Variants in HMBOX1 observed in about 807,000 individuals in gnomAD.
The protein encoded by HMBOX1 is homeobox containing 1, also known as homeobox-containing protein 1.
A neutral mutation model predicts 54.5 loss-of-function variants in HMBOX1; 14 were observed. The observed-to-expected ratio is 0.26, with a 90% CI of 0.17 to 0.40. The LOEUF is 0.40. Among genes scored for constraint, HMBOX1 ranks in the 10% least tolerant of loss-of-function variants. HMBOX1 has a pLI of 1.00. For missense variants in HMBOX1, 332 were observed against 514.4 expected, an observed-to-expected ratio of 0.65 and a Z score of 3.43; for synonymous variants, 160 against 181.0, an observed-to-expected ratio of 0.88 and a Z score of 0.93.
intron 5 of HMBOX1, among the ~76,000 whole-genome samples, chr8:29,017,425 C>T (rs1301204267): frequency 1.3e-5 from 2 of 152,138 alleles, no homozygotes; most frequent in African/African-American, 2.4e-5. Context: ...TGTGAGGAGC[C>T]GTCTTTGAAA....
chr8:28,933,379 G>A (rs900449037), intron 1 of HMBOX1, among the ~76,000 whole-genome samples: 4 of 152,220 alleles, frequency 2.6e-5, no homozygotes, highest in South Asian at 2.1e-4. Flanking sequence ...CCAAATAAGC[G>A]ATCTGAGCTT....
intron 1 of HMBOX1, among the ~76,000 whole-genome samples, chr8:28,897,282 GT>G (rs546304456): frequency 3.5e-4 from 51 of 145,746 alleles, no homozygotes; most frequent in South Asian, 4.3e-4. Context: ...TGGTCGGCTA[GT>G]TTTTTTTTTT....
rs1221201007 is a variant in HMBOX1 at position 28,970,545 on chromosome 8, C to T, written c.500+26C>T. 7.1e-7 allele frequency: 1 copy of T among 1,402,334 alleles called. No homozygotes were observed. The highest frequency in any genetic ancestry group is 9.8e-7 in the Non-Finnish European group (1 of 1,024,950). The allele number at this position is 1,402,334 out of a possible 1,614,324, so 86.9% of individuals were successfully genotyped here. A position where few individuals can be genotyped will look rare whatever the true frequency, so the allele number is the denominator to read the frequency against. On this transcript the variant is annotated intron_variant, in intron 3 of 9. Coordinates refer to ENST00000287701, the MANE Select transcript of HMBOX1 (RefSeq NM_001135726.3). This position sits in a 1 kb window ranked among gnomAD's most constrained non-coding sequence, Gnocchi z 4.3. ...GTTAGTGACTTTGCTTATTCAGAGT[C>T]CCTAAAAATGTCTGTATTCTTAGAT...
intron 1 of HMBOX1, among the ~76,000 whole-genome samples, chr8:28,950,846 A>T (rs1823277422): frequency 6.6e-6 from 1 of 152,224 alleles, no homozygotes; most frequent in Non-Finnish European, 1.5e-5. Flanking sequence ...ATTTTAGAAT[A>T]GGAAAAAGTA....
chr8:28,900,020 G>A (rs1812895017), intron 1 of HMBOX1, among the ~76,000 whole-genome samples: 1 of 151,934 alleles, frequency 6.6e-6, no homozygotes. Flanking sequence ...GGAGGCTGAG[G>A]TGGGCGGATC....
At chr8:28,941,278 T>G (rs149515713) in intron 1 of HMBOX1, among the ~76,000 whole-genome samples, 95 of 152,314 alleles carry the variant, frequency 6.2e-4, no homozygotes, top group Non-Finnish European at 1.1e-3. Context: ...ATCAGTTAGA[T>G]AAATTGAATT....
At position 29,010,741 on chromosome 8, in the gene HMBOX1, C is replaced by T. The variant is rs187490705; in HGVS notation, c.697+1559C>T. On this transcript the variant is annotated intron_variant, in intron 5 of 9. Transcript: ENST00000287701. The stretch of plus-strand genomic sequence containing the variant: ...ATAATTTCATATTATCATTTTATAT[C>T]CAGTCTGAGTCACATTTCTCTAGCT... Among the ~76,000 whole-genome samples, 585 of 152,016 alleles carry T rather than the reference C, an allele frequency of 3.8e-3. 3 individuals are homozygous for T. The highest frequency in any genetic ancestry group is 6.6e-3 in the Non-Finnish European group (450 of 67,948).
intron 1 of HMBOX1, among the ~76,000 whole-genome samples, chr8:28,901,012 CTA>C (rs1377896598): frequency 6.6e-6 from 1 of 152,112 alleles, no homozygotes; most frequent in Non-Finnish European, 1.5e-5. Flanking sequence ...GTGTAAACCT[CTA>C]TGTGTCTCAT....
At chr8:28,988,604 C>T (rs1035936829) in intron 4 of HMBOX1, among the ~76,000 whole-genome samples, 1 of 152,202 alleles carries the variant, frequency 6.6e-6, no homozygotes, top group African/African-American at 2.4e-5. Context: ...GTTTGTGCTT[C>T]TCTGTGAGTT....
intron 6 of HMBOX1, among the ~76,000 whole-genome samples, chr8:29,041,820 C>CG (rs1804870346): frequency 6.6e-6 from 1 of 151,872 alleles, no homozygotes; most frequent in African/African-American, 2.4e-5. Flanking sequence ...AGGTTGTTTG[C>CG]GGGGGGACTT....
At chr8:28,899,146 G>C (rs958237490) in intron 1 of HMBOX1, among the ~76,000 whole-genome samples, 6 of 152,190 alleles carry the variant, frequency 3.9e-5, no homozygotes, top group African/African-American at 1.4e-4. Context: ...GACAAAGTAG[G>C]ACTATAAGAA....
chr8:28,932,877 C>A (rs1302082200), intron 1 of HMBOX1, among the ~76,000 whole-genome samples: 1 of 152,118 alleles, frequency 6.6e-6, no homozygotes, highest in Middle Eastern at 3.2e-3. Context: ...TGATGGAGAT[C>A]TGGTATTAAA....
Position 29,044,502 on chromosome 8 carries a change from A to G in HMBOX1, c.852-859A>G, listed in dbSNP as rs565287000. On this transcript the variant is annotated intron_variant, in intron 6 of 9. Transcript: ENST00000287701. ...GTACTATCGTACTTTAAAAAGTGCA[A>G]AAGTAATACATACTTTTTTAACAAA... Among the ~76,000 whole-genome samples the G allele has an allele frequency of 2.6e-4, 39 of 152,250 alleles. 1 individual carries two copies. The South Asian group carries it at 8.1e-3, about 32-fold the overall frequency.
chr8:28,971,451 A>C (rs545964750), intron 3 of HMBOX1, among the ~76,000 whole-genome samples: 1 of 152,292 alleles, frequency 6.6e-6, no homozygotes, highest in African/African-American at 2.4e-5. Flanking sequence ...ACCCTGGGAC[A>C]CTTTGAGGGT....
At chr8:28,998,091 A>G (rs767555506) in intron 4 of HMBOX1, among the ~76,000 whole-genome samples, 4 of 152,172 alleles carry the variant, frequency 2.6e-5, no homozygotes, top group Admixed American at 6.5e-5. Context: ...TTTACTTGCT[A>G]TGTAACTCTA....
chr8:29,018,968 T>C (rs772362076), intron 6 of HMBOX1, 55 bp downstream of exon 6: 17 of 1,543,276 alleles, frequency 1.1e-5, no homozygotes, highest in African/African-American at 1.4e-5. Context: ...AGACATCAAC[T>C]CTGGATAGAC....
intron 6 of HMBOX1, among the ~76,000 whole-genome samples, chr8:29,030,274 A>G (rs568992239): frequency 8.6e-5 from 13 of 151,522 alleles, no homozygotes; most frequent in Non-Finnish European, 1.6e-4. Context: ...CTGGAGTACA[A>G]TGGCGTGATC....
chr8:28,897,046 G>A (rs1038388119), intron 1 of HMBOX1, among the ~76,000 whole-genome samples: 1 of 149,782 alleles, frequency 6.7e-6, no homozygotes, highest in Admixed American at 6.7e-5. Flanking sequence ...GTACAATGGC[G>A]CGATGTCATC....
At chr8:28,968,067 A>G (rs745582482) in intron 2 of HMBOX1, among the ~76,000 whole-genome samples, 71 of 152,360 alleles carry the variant, frequency 4.7e-4, no homozygotes, top group Non-Finnish European at 4.3e-4. Flanking sequence ...GGAATAGACT[A>G]TCCAAAGGTA....
Sources: gnomAD v4.1 joint callset for allele counts (sites outside exome capture counted in the v4.1 genomes callset) on GRCh38, gnomAD v4.1.1 for gene constraint, Gnocchi (gnomAD v3.1) non-coding constraint, MANE v1.5 for transcripts, NCBI Gene and HGNC (gene_info 2026-07-23, HGNC 2026-07-21) for gene names.